Variants in SSBP3 observed in about 807,000 individuals in gnomAD.
SSBP3 encodes single-stranded DNA-binding protein 3.
Under a neutral mutation model 69.6 loss-of-function variants are expected in SSBP3, and 5 were observed. That is an observed-to-expected ratio of 0.07 (90% confidence interval 0.04 to 0.15). The LOEUF is 0.15. SSBP3 is among the 10% of genes least tolerant of loss of function. The pLI, the probability that SSBP3 is intolerant of heterozygous loss-of-function variation, is 1.00. For missense variants in SSBP3, 312 were observed against 534.0 expected (o/e 0.58, Z 4.10); for synonymous variants, 196 against 193.4 (o/e 1.01, Z -0.11).
At chr1:54,361,457 G>A (rs1025123659) in intron 4 of SSBP3, among the ~76,000 whole-genome samples, 4 of 152,034 alleles carry the variant, frequency 2.6e-5, no homozygotes, top group African/African-American at 7.2e-5. Flanking sequence ...GAGCCCTTCC[G>A]AAGCTGCAGA....
chr1:54,283,656 G>A (rs1443536570), intron 4 of SSBP3, among the ~76,000 whole-genome samples: 4 of 152,192 alleles, frequency 2.6e-5, no homozygotes, highest in African/African-American at 7.2e-5. Flanking sequence ...TGGGCAAGCC[G>A]CACGTTACTT....
At chr1:54,379,840 G>A (rs368531356) in intron 4 of SSBP3, among the ~76,000 whole-genome samples, 2 of 152,140 alleles carry the variant, frequency 1.3e-5, no homozygotes, top group African/African-American at 2.4e-5. Context: ...AGGCGGTATC[G>A]TCCCTGCCCT....
chr1:54,360,180 CA>C (rs1222048362), intron 4 of SSBP3, among the ~76,000 whole-genome samples: 2 of 152,114 alleles, frequency 1.3e-5, no homozygotes, highest in Non-Finnish European at 2.9e-5. Context: ...CAGTTCAACC[CA>C]AAAAACATTA....
chr1:54,228,935 C>T, intron 14 of SSBP3, 109 bp from the exon 15 acceptor site: 1 of 1,126,868 alleles, frequency 8.9e-7, no homozygotes, highest in Non-Finnish European at 1.3e-6. Context: ...GGAACCCCTG[C>T]TCCGGCAGGC....
intron 1 of SSBP3, among the ~76,000 whole-genome samples, chr1:54,411,917 G>T (rs1004201087): frequency 5.5e-5 from 8 of 145,572 alleles, no homozygotes; most frequent in East Asian, 2.1e-4. Flanking sequence ...AAAGCAGAAG[G>T]CAAGGCCCTA....
In SSBP3 at chr1:54,234,015, T is replaced by C. The variant is rs1644440334; in HGVS notation, c.927+5114A>G. Among the ~76,000 whole-genome samples, 3 of 152,084 alleles carry C rather than the reference T, an allele frequency of 2.0e-5. No individual in the cohort carries two copies. The South Asian group carries it at 6.2e-4, about 32-fold the overall frequency. ...TGTTCTGCACTAAGAAAAATTCTTC[T>C]GCCTTGGGATCCTGTTGATCTGTGA... On this transcript the variant is annotated intron_variant, in intron 14 of 17. Coordinates refer to ENST00000610401, the Ensembl canonical transcript of SSBP3.
chr1:54,250,245 G>T (rs574796411), intron 9 of SSBP3, among the ~76,000 whole-genome samples: 59 of 152,378 alleles, frequency 3.9e-4, no homozygotes, highest in Admixed American at 3.3e-3. Context: ...TATTGGAGCT[G>T]CAACTGCTGT....
At position 54,310,934 on chromosome 1, in the gene SSBP3, C is replaced by T. The variant is rs767767336; in HGVS notation, c.277-29407G>A. ...ATGAATGCTTTTGGGTCTGGGTCTC[C>T]GTGTGGGGGCTGACATCACCTGGAA... On this transcript the variant is annotated intron_variant, in intron 4 of 17. Transcript: ENST00000610401. 3.9e-5 allele frequency among the ~76,000 whole-genome samples: 6 copies of T among 152,154 alleles called. No individual in the cohort carries two copies. The South Asian group carries it at 6.2e-4, about 16-fold the overall frequency.
At chr1:54,403,671 A>T (rs1649467549) in intron 3 of SSBP3, among the ~76,000 whole-genome samples, 1 of 152,224 alleles carries the variant, frequency 6.6e-6, no homozygotes, top group African/African-American at 2.4e-5. Context: ...ACCCGCTAAG[A>T]TCCCAACGAC....
intron 4 of SSBP3, among the ~76,000 whole-genome samples, chr1:54,376,139 CT>C (rs1351284034): frequency 9.9e-5 from 15 of 152,086 alleles, no homozygotes; most frequent in Non-Finnish European, 1.9e-4. Context: ...CTCCTCCTCC[CT>C]TAGTCTCTGG....
chr1:54,406,986 G>T (rs1218517776), upstream of SSBP3, among the ~76,000 whole-genome samples: 5 of 151,870 alleles, frequency 3.3e-5, no homozygotes, highest in Non-Finnish European at 5.9e-5. Context: ...CCTCCCTCTC[G>T]CCCAGTCTGG....
At chr1:54,410,537 C>T (rs535198066), upstream of SSBP3, among the ~76,000 whole-genome samples, 27 of 152,322 alleles carry the variant, frequency 1.8e-4, no homozygotes, top group Middle Eastern at 3.4e-3. Context: ...CTTCTGCACC[C>T]GGCACGCTCA....
chr1:54,396,611 T>C (rs1176006554), intron 4 of SSBP3, among the ~76,000 whole-genome samples: 3 of 152,022 alleles, frequency 2.0e-5, no homozygotes, highest in Non-Finnish European at 4.4e-5. Context: ...AGAGACGACC[T>C]AAGGAACTGT....
chr1:54,401,853 T>G lies in SSBP3; in HGVS notation c.276+8A>C. 1 of 1,609,990 alleles carries G rather than the reference T, an allele frequency of 6.2e-7. No homozygotes were observed. The highest frequency in any genetic ancestry group is 1.7e-4 in the Middle Eastern group (1 of 6,004). ...AATTATTGCTAGGATTAAAAATATGTTACTCACATAATCATGAAAGGCTTT... is the reference window on the plus strand; with the variant it reads ...AATTATTGCTAGGATTAAAAATATGGTACTCACATAATCATGAAAGGCTTT... On this transcript the variant is annotated splice_region_variant and intron_variant, in intron 4 of 17. Coordinates refer to ENST00000610401, the Ensembl canonical transcript of SSBP3.
intron 5 of SSBP3, among the ~76,000 whole-genome samples, chr1:54,274,553 T>A (rs988822505): frequency 6.6e-6 from 1 of 152,032 alleles, no homozygotes. Context: ...GCCCCCAACC[T>A]ATGTGGGCAG....
chr1:54,276,021 T>TG (rs1001937085), intron 5 of SSBP3, among the ~76,000 whole-genome samples: 5 of 152,088 alleles, frequency 3.3e-5, no homozygotes, highest in Admixed American at 3.3e-4. Flanking sequence ...CCATAACCAA[T>TG]GGGAAGAGTT....
intron 14 of SSBP3, among the ~76,000 whole-genome samples, chr1:54,231,818 C>G (rs1279763275): frequency 1.3e-5 from 2 of 152,156 alleles, no homozygotes. Context: ...CGTCAGCCTC[C>G]CAGGTAGCTG....
intron 4 of SSBP3, among the ~76,000 whole-genome samples, chr1:54,315,168 G>A (rs558922372): frequency 2.6e-5 from 4 of 152,254 alleles, no homozygotes; most frequent in South Asian, 4.1e-4. Context: ...GAGCCTCCCT[G>A]TACAGATCAA....
intron 4 of SSBP3, among the ~76,000 whole-genome samples, chr1:54,389,086 A>G (rs1570024654): frequency 6.6e-6 from 1 of 152,166 alleles, no homozygotes; most frequent in African/African-American, 2.4e-5. Flanking sequence ...GAAATTTCCA[A>G]TGTTTTTCTG....
Sources: allele counts gnomAD v4.1 joint callset (sites outside exome capture counted in the v4.1 genomes callset), GRCh38; gene constraint gnomAD v4.1.1; transcripts MANE v1.5; gene names NCBI Gene and HGNC (gene_info 2026-07-23, HGNC 2026-07-21).